The following ANK3 variants were observed in gnomAD, a reference collection of about 807,000 sequenced individuals.
ANK3 encodes the protein ankyrin 3.
In ANK3, 57 loss-of-function variants were observed where a neutral mutation model predicts 370.9. That is an observed-to-expected ratio of 0.15 (90% CI 0.12 to 0.19). The LOEUF is 0.19. Among genes scored for constraint, ANK3 ranks in the 10% least tolerant of loss-of-function variants. ANK3 has a pLI of 1.00. For synonymous variants in ANK3, 1,929 were observed against 1,946.3 expected (o/e 0.99, Z 0.23); for missense variants, 4,439 against 5,302.1 (o/e 0.84, Z 5.06).
intron 2 of ANK3, among the ~76,000 whole-genome samples, chr10:60,562,067 A>C (rs2077347877): frequency 6.6e-6 from 1 of 152,232 alleles, no homozygotes; most frequent in African/African-American, 2.4e-5. Context: ...ACTGGGGCAG[A>C]ATCAAAATGA....
intron 1 of ANK3, among the ~76,000 whole-genome samples, chr10:60,296,570 G>A (rs980446198): frequency 1.3e-5 from 2 of 152,184 alleles, no homozygotes; most frequent in Non-Finnish European, 2.9e-5. Context: ...CCATGATTAT[G>A]AGAGGCTGTA....
chr10:60,183,993 G>A (rs1004919652), intron 17 of ANK3, among the ~76,000 whole-genome samples: 7 of 152,000 alleles, frequency 4.6e-5, no homozygotes, highest in African/African-American at 9.7e-5. Context: ...GGGAAAATAG[G>A]AACATCAAAA....
intron 1 of ANK3, among the ~76,000 whole-genome samples, chr10:60,349,035 G>T (rs571105884): frequency 1.1e-4 from 16 of 151,760 alleles, no homozygotes; most frequent in African/African-American, 3.9e-4. Context: ...AAGAAGCCCT[G>T]CTCCAAGGGT....
rs185356714 is a variant in ANK3 at position 60,504,885 on chromosome 10, G to A, written c.96+110301C>T. The stretch of plus-strand genomic sequence containing the variant: ...ATGAGTGGAAACTGACTTGAATTGA[G>A]ATTCAAACTAGCTACAGAGGGCATA... On this transcript the variant is annotated intron_variant, in intron 2 of 43. Transcript: ENST00000373827. Among the ~76,000 whole-genome samples the A allele has an allele frequency of 2.0e-4, 31 of 152,218 alleles. No individual in the cohort carries two copies. In the East Asian group the frequency reaches 5.4e-3, roughly 27 times the overall value.
chr10:60,524,276 T>C (rs1249013338), intron 2 of ANK3, among the ~76,000 whole-genome samples: 2 of 152,100 alleles, frequency 1.3e-5, no homozygotes, highest in Non-Finnish European at 1.5e-5. Flanking sequence ...TGAGAAACAC[T>C]AGGTTAAGCA....
chr10:60,342,064 T>C (rs1166554829), intron 1 of ANK3, among the ~76,000 whole-genome samples: 1 of 152,140 alleles, frequency 6.6e-6, no homozygotes, highest in Admixed American at 6.5e-5. Context: ...TAAAAATTAA[T>C]AAATATTTTT....
At chr10:60,427,744 C>T (rs151090274) in intron 2 of ANK3, among the ~76,000 whole-genome samples, 1 of 152,130 alleles carries the variant, frequency 6.6e-6, no homozygotes, top group East Asian at 1.9e-4. Flanking sequence ...AAAAGGTAAA[C>T]AAAAATACTG....
At chr10:60,536,395 C>T (rs561013048) in intron 2 of ANK3, among the ~76,000 whole-genome samples, 7 of 152,116 alleles carry the variant, frequency 4.6e-5, no homozygotes, top group Admixed American at 2.6e-4. Flanking sequence ...AATGATGTAA[C>T]AGCAAAAAAT....
At chr10:60,128,384 CTTTTT>C (rs56104024) in intron 25 of ANK3, among the ~76,000 whole-genome samples, 1 of 146,062 alleles carries the variant, frequency 6.8e-6, no homozygotes, top group Non-Finnish European at 1.5e-5. Flanking sequence ...CATTTTTTTT[CTTTTT>C]TTTTTTTTGA....
rs148339562 is a variant in ANK3 at position 60,440,919 on chromosome 10, G to C, written c.97-161280C>G. Among the ~76,000 whole-genome samples, 952 of 152,284 alleles carry C rather than the reference G, an allele frequency of 6.3e-3. 20 individuals carry two copies. In the East Asian group the frequency reaches 0.07, roughly 11 times the overall value. On this transcript the variant is annotated intron_variant, in intron 2 of 43. Coordinates refer to the ANK3 transcript ENST00000373827. The stretch of plus-strand genomic sequence containing the variant: ...ATTTTAAATGGAAAACTAAAAAAGG[G>C]TAGTTCTTCATACGCCAGTTTTAAA...
intron 28 of ANK3, among the ~76,000 whole-genome samples, chr10:60,104,747 A>G (rs2091934897): frequency 6.6e-6 from 1 of 152,226 alleles, no homozygotes; most frequent in Non-Finnish European, 1.5e-5. Context: ...AACCTTTGGC[A>G]TGACAATTTT....
In ANK3 at chr10:60,389,541, T is replaced by C; in HGVS notation, c.-3A>G. ...AATTGTGAGGCTGCATGAGCCATAA[T>C]GCATTTAAAAAGATCCTCTCAAGCA... On this transcript the variant is annotated 5_prime_UTR_variant, in exon 1 of 44. Coordinates refer to ENST00000280772, the MANE Select transcript of ANK3 (RefSeq NM_020987.5). 1 of 1,613,464 alleles carries C rather than the reference T, an allele frequency of 6.2e-7. No homozygotes were observed. Among genetic ancestry groups the C allele is most frequent in the Middle Eastern group, 1.7e-4 (1 of 6,058 alleles).
intron 2 of ANK3, among the ~76,000 whole-genome samples, chr10:60,489,153 T>C (rs953998358): frequency 1.3e-5 from 2 of 152,184 alleles, no homozygotes; most frequent in Admixed American, 1.3e-4. Context: ...AACATAAACA[T>C]GAATAATAGT....
At chr10:60,589,633 A>AT (rs1250330143) in intron 2 of ANK3, among the ~76,000 whole-genome samples, 1 of 152,198 alleles carries the variant, frequency 6.6e-6, no homozygotes, top group Non-Finnish European at 1.5e-5. Context: ...CTCCATGGCA[A>AT]TGCCTTCATT....
chr10:60,059,457 G>C (rs753876865), intron 40 of ANK3, 27 bp from the exon 41 acceptor site: 2 of 1,587,790 alleles, frequency 1.3e-6, no homozygotes, highest in Admixed American at 1.7e-5. Context: ...TTCCAGTTCT[G>C]CTTGCTGAAC....
At chr10:60,294,993 G>C (rs2042202712) in intron 1 of ANK3, among the ~76,000 whole-genome samples, 1 of 152,096 alleles carries the variant, frequency 6.6e-6, no homozygotes, top group Non-Finnish European at 1.5e-5. Context: ...CCAAATTTAA[G>C]GTAACCGCTG....
At chr10:60,476,238 G>T (rs2075060498) in intron 2 of ANK3, among the ~76,000 whole-genome samples, 1 of 152,128 alleles carries the variant, frequency 6.6e-6, no homozygotes, top group African/African-American at 2.4e-5. Context: ...CCAAAATCAT[G>T]TTCATAATGA....
intron 28 of ANK3, among the ~76,000 whole-genome samples, chr10:60,100,321 A>G (rs1028854009): frequency 1.6e-5 from 2 of 128,032 alleles, no homozygotes; most frequent in African/African-American, 6.2e-5. Context: ...GAATTTTTCA[A>G]AACTGTTACT....
chr10:60,063,043 G>A, intron 40 of ANK3, 68 bp downstream of exon 40: 3 of 1,483,556 alleles, frequency 2.0e-6, no homozygotes, highest in Non-Finnish European at 2.7e-6. Context: ...TTAAGTGACT[G>A]CCTTGTCTGA....
Sources: gnomAD v4.1 joint callset for allele counts (sites outside exome capture counted in the v4.1 genomes callset) on GRCh38, gnomAD v4.1.1 for gene constraint, MANE v1.5 for transcripts, NCBI Gene and HGNC (gene_info 2026-07-23, HGNC 2026-07-21) for gene names.